The following DPP10 variants were observed in gnomAD, a reference collection of about 807,000 sequenced individuals.
DPP10 encodes dipeptidyl peptidase like 10, also known as inactive dipeptidyl peptidase 10.
In DPP10, 33 loss-of-function variants were observed where a neutral mutation model predicts 120.9. The observed-to-expected ratio is 0.27, with a 90% CI of 0.21 to 0.37. DPP10 has a LOEUF of 0.37. DPP10 is among the 10% of genes least tolerant of loss of function. The pLI is 1.00. For synonymous variants in DPP10, 337 were observed against 326.1 expected (o/e 1.03, Z -0.36); for missense variants, 816 against 942.8 (o/e 0.87, Z 1.76).
intron 1 of DPP10, among the ~76,000 whole-genome samples, chr2:114,704,236 G>A (rs912756563): frequency 1.3e-5 from 2 of 152,178 alleles, no homozygotes; most frequent in Admixed American, 1.3e-4. Flanking sequence ...AGCAATAGCA[G>A]TGGTGTTGGT....
At chr2:115,319,279 T>C (rs2061945752) in intron 2 of DPP10, among the ~76,000 whole-genome samples, 3 of 152,172 alleles carry the variant, frequency 2.0e-5, no homozygotes, top group South Asian at 4.1e-4. Context: ...CTTCATATGC[T>C]GAAGAACTCA....
chr2:114,725,673 C>T (rs1299243716), intron 1 of DPP10, among the ~76,000 whole-genome samples: 1 of 152,188 alleles, frequency 6.6e-6, no homozygotes, highest in Non-Finnish European at 1.5e-5. Context: ...ATTACTTACT[C>T]TCTCAAAATA....
At chr2:115,768,030 T>G (rs1186394057) in intron 12 of DPP10, among the ~76,000 whole-genome samples, 1 of 152,194 alleles carries the variant, frequency 6.6e-6, no homozygotes, top group African/African-American at 2.4e-5. Flanking sequence ...AAAAGTGTCT[T>G]TAGTCTGATA....
chr2:114,662,497 G>A (rs760814958), intron 1 of DPP10, among the ~76,000 whole-genome samples: 24 of 152,122 alleles, frequency 1.6e-4, no homozygotes, highest in African/African-American at 2.2e-4. Flanking sequence ...CAACTTGAAT[G>A]CGTGTGTCAG....
At chr2:114,953,208 A>G (rs1182437677) in intron 1 of DPP10, among the ~76,000 whole-genome samples, 6 of 152,204 alleles carry the variant, frequency 3.9e-5, no homozygotes, top group Admixed American at 3.9e-4. Flanking sequence ...ATCTTTATAA[A>G]TGTAGCCCAG....
chr2:114,687,334 C>A (rs1231484945), intron 1 of DPP10, among the ~76,000 whole-genome samples: 2 of 151,926 alleles, frequency 1.3e-5, no homozygotes, highest in African/African-American at 2.4e-5. Flanking sequence ...AGTGTAGTCA[C>A]AAGGTGCTAA....
chr2:115,144,704 T>G, intron 1 of DPP10, among the ~76,000 whole-genome samples: 1 of 147,376 alleles, frequency 6.8e-6, no homozygotes, highest in Non-Finnish European at 1.5e-5. Flanking sequence ...TTAGGAGATA[T>G]ACCTAATGCT....
chr2:114,908,416 C>T (rs1694132185), intron 1 of DPP10, among the ~76,000 whole-genome samples: 1 of 151,848 alleles, frequency 6.6e-6, no homozygotes, highest in African/African-American at 2.4e-5. Context: ...ATTTAATAAA[C>T]ATTTCCTGGT....
At chr2:115,377,957 C>T (rs956601969) in intron 3 of DPP10, among the ~76,000 whole-genome samples, 17 of 151,748 alleles carry the variant, frequency 1.1e-4, no homozygotes, top group African/African-American at 4.1e-4. Context: ...TTACTGTAGC[C>T]TTGTAGTATA....
At chr2:115,360,417 G>A (rs1559482220) in intron 3 of DPP10, among the ~76,000 whole-genome samples, 1 of 152,178 alleles carries the variant, frequency 6.6e-6, no homozygotes, top group African/African-American at 2.4e-5. Flanking sequence ...TCTCTACATT[G>A]TATTTCACAG....
rs368508919 is a variant in DPP10, at chr2:115,631,090, C to G, written c.442-58597C>G. The stretch of plus-strand genomic sequence containing the variant: ...GTTTGTAGGCTATTAATTAGTGTCT[C>G]AATTTCAGAACTTGTTATTGGACTA... On this transcript the variant is annotated intron_variant, in intron 5 of 25. Transcript: ENST00000410059. Among the ~76,000 whole-genome samples the G allele has an allele frequency of 1.6e-4, 21 of 129,710 alleles. No individual in the cohort carries two copies. In the South Asian group the frequency reaches 4.8e-3, roughly 29 times the overall value. 85.1% of individuals were successfully genotyped at this position (129,710 alleles called of 152,430 possible).
chr2:115,531,178 TCTCAATGTACATG>T (rs1050806376), intron 5 of DPP10, among the ~76,000 whole-genome samples: 1 of 148,590 alleles, frequency 6.7e-6, no homozygotes, highest in African/African-American at 2.5e-5. Context: ...AAACAGTGGG[TCTCAATGTACATG>T]CTCAGCATAG....
chr2:115,839,026 G>GA (rs946658874), intron 24 of DPP10, among the ~76,000 whole-genome samples: 8 of 152,002 alleles, frequency 5.3e-5, no homozygotes, highest in African/African-American at 4.8e-5. Context: ...AAACTAAGCA[G>GA]AAAAAAAATC....
chr2:114,472,394 A>T (rs1444775487), intron 1 of DPP10, among the ~76,000 whole-genome samples: 1 of 152,206 alleles, frequency 6.6e-6, no homozygotes, highest in East Asian at 1.9e-4. Flanking sequence ...TTATAATTGC[A>T]AGCTTTCTAA....
At chr2:115,816,887 T>C (rs1687290715) in intron 21 of DPP10, among the ~76,000 whole-genome samples, 1 of 147,370 alleles carries the variant, frequency 6.8e-6, no homozygotes, top group Non-Finnish European at 1.5e-5. Context: ...AGTGCTGGGA[T>C]TACAGGTGTG....
chr2:115,122,619 GC>G, intron 1 of DPP10, among the ~76,000 whole-genome samples: 1 of 152,252 alleles, frequency 6.6e-6, no homozygotes, highest in Non-Finnish European at 1.5e-5. Context: ...GCCACACAAT[GC>G]AGCAAAAGCT....
intron 5 of DPP10, among the ~76,000 whole-genome samples, chr2:115,551,791 A>G (rs1306051809): frequency 6.6e-6 from 1 of 152,158 alleles, no homozygotes; most frequent in African/African-American, 2.4e-5. Context: ...TTATTTTTAA[A>G]AAAGGACAAA....
At chr2:114,936,464 C>T (rs997373996) in intron 1 of DPP10, among the ~76,000 whole-genome samples, 3 of 150,820 alleles carry the variant, frequency 2.0e-5, no homozygotes, top group Admixed American at 1.3e-4. Flanking sequence ...TATACATAAA[C>T]ATATATATTT....
At chr2:114,821,226 G>T (rs1338017964) in intron 1 of DPP10, among the ~76,000 whole-genome samples, 1 of 152,190 alleles carries the variant, frequency 6.6e-6, no homozygotes, top group Non-Finnish European at 1.5e-5. Context: ...ACCCTAGCCT[G>T]TTGATATGCA....
Sources: gnomAD v4.1 joint callset for allele counts (sites outside exome capture counted in the v4.1 genomes callset) on GRCh38, gnomAD v4.1.1 for gene constraint, MANE v1.5 for transcripts, NCBI Gene and HGNC (gene_info 2026-07-23, HGNC 2026-07-21) for gene names.